PAEP: variants seen among roughly 807,000 people sequenced by gnomAD.
PAEP encodes glycodelin.
A neutral mutation model predicts 23.0 loss-of-function variants in PAEP; 28 were observed. The ratio of observed to expected loss-of-function variants is 1.22; its 90% confidence interval spans 0.90 to 1.67. The LOEUF (loss-of-function observed/expected upper bound fraction) is 1.67, where lower values mean the gene tolerates loss of function less well. Ranked by LOEUF, PAEP falls within the 40% of genes most tolerant of loss-of-function variation. PAEP has a pLI of 0.00. For synonymous variants in PAEP, 103 were observed against 92.4 expected, an observed-to-expected ratio of 1.12 and a Z score of -0.66; for missense variants, 209 against 226.4, an observed-to-expected ratio of 0.92 and a Z score of 0.49.
intron 4 of PAEP, chr9:135,564,804 A>G (rs1832500430): frequency 7.1e-6 from 7 of 985,298 alleles, no homozygotes; most frequent in Non-Finnish European, 7.2e-6. Context: ...ACGCCCGGCC[A>G]GGCTGAGTTT....
intron 4 of PAEP, chr9:135,565,191 G>A (rs1832518583): frequency 5.2e-6 from 3 of 577,988 alleles, no homozygotes; most frequent in Admixed American, 6.0e-5. Context: ...GGAGCAGAGG[G>A]GGCCGGGCCA....
intron 1 of PAEP, 104 bp from the exon 2 acceptor site, chr9:135,562,190 C>G: frequency 4.6e-6 from 6 of 1,300,988 alleles, no homozygotes; most frequent in Non-Finnish European, 6.4e-6. Context: ...GACAACCATC[C>G]AATGCTCACT....
At chr9:135,563,379 T>TGAACAGGTGGGC (rs1451824496) in intron 3 of PAEP, among the ~76,000 whole-genome samples, 7 of 145,434 alleles carry the variant, frequency 4.8e-5, no homozygotes, top group African/African-American at 2.6e-5. Context: ...GGCAGGTGGG[T>TGAACAGGTGGGC]AGGTGGGTAG....
At chr9:135,562,144 C>G in intron 1 of PAEP, 150 bp from the exon 2 acceptor site, 3 of 939,164 alleles carry the variant, frequency 3.2e-6, no homozygotes, top group Non-Finnish European at 3.1e-6. Context: ...ATTTTAAGTA[C>G]AGGAAATTTC....
intron 3 of PAEP, among the ~76,000 whole-genome samples, chr9:135,563,245 G>A (rs1344962339): frequency 6.6e-6 from 1 of 151,348 alleles, no homozygotes; most frequent in African/African-American, 2.4e-5. Context: ...TAGGTGGGTA[G>A]GTGGATATGT....
chr9:135,565,937 T>A, intron 6 of PAEP, 136 bp downstream of exon 6: 1 of 958,748 alleles, frequency 1.0e-6, no homozygotes. Flanking sequence ...AACTGGGGTC[T>A]GGTCTTGTGA....
chr9:135,565,260 G>A (rs565709535), intron 4 of PAEP, 150 bp from the exon 5 acceptor site: 37 of 660,850 alleles, frequency 5.6e-5, no homozygotes, highest in African/African-American at 2.2e-4. Context: ...CCCGGAGACC[G>A]CCCTAGGGAC....
At chr9:135,563,585 C>T (rs930538562) in intron 3 of PAEP, among the ~76,000 whole-genome samples, 5 of 151,462 alleles carry the variant, frequency 3.3e-5, no homozygotes, top group African/African-American at 7.3e-5. Flanking sequence ...CTGCCTCCTG[C>T]GCACTCTGGG....
chr9:135,562,336 A>T lies in PAEP; in HGVS notation c.139A>T (p.Ile47Phe), dbSNP rs1832340539. 6.2e-7 allele frequency: 1 copy of T among 1,613,914 alleles called. No homozygotes were observed. Among genetic ancestry groups the T allele is most frequent in the South Asian group, 1.1e-5 (1 of 91,060 alleles). ...CTCCATGGCCATGGCGACCAACAACATCTCCCTCATGGCGACACTGAAGGC... is the reference window on the plus strand; with the variant it reads ...CTCCATGGCCATGGCGACCAACAACTTCTCCCTCATGGCGACACTGAAGGC... ...WHSMAMATNN[I>F]SLMATLKAPL... is the part of the protein sequence containing the mutation. Residue 47 changes from isoleucine (I) to phenylalanine (F), a missense_variant, in exon 2 of 7, where the codon ATC becomes TTC. Coordinates refer to ENST00000479141, the MANE Select transcript of PAEP (RefSeq NM_002571.4).
chr9:135,562,464 C>CTCTCATCATT, intron 2 of PAEP, 31 bp downstream of exon 2: 1 of 1,604,636 alleles, frequency 6.2e-7, no homozygotes, highest in East Asian at 2.2e-5. Flanking sequence ...ACGGGCTGGG[C>CTCTCATCATT]GGGGGCTCAG....
At position 135,562,438 on chromosome 9, in the gene PAEP, G is replaced by T. The variant is rs370925820; in HGVS notation, c.236+5G>T. 15 of 1,613,134 alleles carry T rather than the reference G, an allele frequency of 9.3e-6. No individual in the cohort carries two copies. In the African/African-American group the frequency reaches 1.7e-4, roughly 19 times the overall value. On this transcript the variant is annotated splice_donor_5th_base_variant and intron_variant, in intron 2 of 6. Coordinates refer to ENST00000479141, the MANE Select transcript of PAEP (RefSeq NM_002571.4). ...GGAGATCGTTCTGCACAGATGGTGG[G>T]TTTCTCATCATTGAGACGGGCTGGG...
chr9:135,564,264 A>G lies in PAEP; in HGVS notation c.331A>G (p.Thr111Ala). 1 of 1,553,160 alleles carries G rather than the reference A, an allele frequency of 6.4e-7. No homozygotes were observed. Among genetic ancestry groups the G allele is most frequent in the East Asian group, 2.4e-5 (1 of 41,194 alleles). The change falls in exon 4 of 7, where the codon ACG becomes GCG. Residue 111 changes from threonine (T) to alanine (A), a missense_variant. Transcript: ENST00000479141. ...CCCAGATACGGTGGCGAACGAGGCC[A>G]CGCTGCTCGATACTGACTACGACAA... is the stretch of plus-strand genomic sequence containing the variant. ...KINYTVANEA[T>A]LLDTDYDNFL... is the part of the protein sequence containing the mutation.
chr9:135,562,038 G>T, intron 1 of PAEP, 141 bp downstream of exon 1: 1 of 774,000 alleles, frequency 1.3e-6, no homozygotes, highest in Non-Finnish European at 2.1e-6. Flanking sequence ...CCTCAGCCCT[G>T]CTCTCCATCT....
intron 2 of PAEP, 73 bp from the exon 3 acceptor site, chr9:135,562,747 C>G (rs1381016718): frequency 1.6e-6 from 2 of 1,287,028 alleles, no homozygotes; most frequent in Non-Finnish European, 2.2e-6. Flanking sequence ...CCCGTGGTGA[C>G]CTGATTTTAG....
chr9:135,561,766 TG>T lies in PAEP; in HGVS notation c.-34del. ...AGCCCACACTGCCTCAGCATCCCTC[TG>T]GCTCCAGAGCTCAGAGCCACCCACA... On this transcript the variant is annotated 5_prime_UTR_variant, in exon 1 of 7. Transcript: ENST00000479141. The T allele has an allele frequency of 6.7e-7, 1 of 1,496,526 alleles. No individual in the cohort carries two copies. Among genetic ancestry groups the T allele is most frequent in the Non-Finnish European group, 9.1e-7 (1 of 1,101,474 alleles). 92.7% of individuals were successfully genotyped at this position (1,496,526 alleles called of 1,614,324 possible).
At chr9:135,562,549 A>G in intron 2 of PAEP, 116 bp downstream of exon 2, 1 of 1,321,724 alleles carries the variant, frequency 7.6e-7, no homozygotes, top group East Asian at 2.3e-5. Context: ...TCTGACAGCC[A>G]GGGGCTTCAC....
chr9:135,563,384 G>GAACA (rs11267931), intron 3 of PAEP, among the ~76,000 whole-genome samples: 1 of 36,810 alleles, frequency 2.7e-5, no homozygotes, highest in African/African-American at 9.5e-5. Context: ...GTGGGTAGGT[G>GAACA]GGTAGGTATA....
chr9:135,562,010 G>A (rs1429853337), intron 1 of PAEP, 113 bp downstream of exon 1: 15 of 884,506 alleles, frequency 1.7e-5, no homozygotes, highest in African/African-American at 3.4e-5. Flanking sequence ...CAGAATGGAC[G>A]CCATGACGTC....
chr9:135,562,405 G>A lies in PAEP; in HGVS notation c.208G>A (p.Asp70Asn). The part of the protein sequence containing the change: ...HITSLLPTPE[D>N]NLEIVLHRWE... ...CACCTCACTGTTGCCCACCCCCGAGGACAACCTGGAGATCGTTCTGCACAG... is the reference window on the plus strand; with the variant it reads ...CACCTCACTGTTGCCCACCCCCGAGAACAACCTGGAGATCGTTCTGCACAG... Residue 70 changes from aspartate (D) to asparagine (N), a missense_variant, in exon 2 of 7, where the codon GAC (aspartate) becomes AAC (asparagine). Coordinates refer to ENST00000479141, the MANE Select transcript of PAEP (RefSeq NM_002571.4). 2 of 1,614,092 alleles carry A rather than the reference G, an allele frequency of 1.2e-6. No individual in the cohort carries two copies. Among genetic ancestry groups the A allele is most frequent in the South Asian group, 1.1e-5 (1 of 91,070 alleles).
Sources: gnomAD v4.1 joint callset for allele counts (sites outside exome capture counted in the v4.1 genomes callset) on GRCh38, gnomAD v4.1.1 for gene constraint, MANE v1.5 for transcripts, NCBI Gene and HGNC (gene_info 2026-07-23, HGNC 2026-07-21) for gene names.